Variants in ADGRV1 observed in about 807,000 individuals in gnomAD.
ADGRV1 encodes the protein G-protein coupled receptor 98.
ADGRV1 carries 359 observed loss-of-function variants against 596.2 expected under a neutral mutation model. The ratio of observed to expected loss-of-function variants is 0.60; its 90% CI spans 0.55 to 0.66. The LOEUF is 0.66. Ranked by LOEUF, ADGRV1 falls within the 30% of genes least tolerant of loss-of-function variation. The pLI is 0.00. For synonymous variants in ADGRV1, 2,681 were observed against 2,679.2 expected (o/e 1.00, Z -0.02); for missense variants, 7,274 against 7,575.6 (o/e 0.96, Z 1.48).
At chr5:90,722,715 TCAAAAAAA>T (rs1751230594) in intron 45 of ADGRV1, among the ~76,000 whole-genome samples, 1 of 17,168 alleles carries the variant, frequency 5.8e-5, no homozygotes, top group African/African-American at 2.8e-4. Flanking sequence ...AAACTCCGTC[TCAAAAAAA>T]AAAAAAAAAA....
intron 82 of ADGRV1, 142 bp from the exon 83 acceptor site, chr5:90,863,615 G>T: frequency 1.5e-6 from 1 of 668,058 alleles, no homozygotes; most frequent in Non-Finnish European, 2.8e-6. Context: ...GATTACAATT[G>T]CCATGTCATC....
chr5:90,737,805 T>C (rs775472324), intron 50 of ADGRV1, among the ~76,000 whole-genome samples: 20 of 152,028 alleles, frequency 1.3e-4, no homozygotes, highest in Admixed American at 2.6e-4. Context: ...TCATTTTCAC[T>C]TTATATGTGT....
chr5:90,604,923 CA>C (rs1761886267), intron 1 of ADGRV1, among the ~76,000 whole-genome samples: 1 of 152,122 alleles, frequency 6.6e-6, no homozygotes, highest in Non-Finnish European at 1.5e-5. Flanking sequence ...AATTGAAACC[CA>C]TAATCTTCTA....
chr5:91,058,142 A>G (rs989701477), intron 85 of ADGRV1, among the ~76,000 whole-genome samples: 4 of 152,178 alleles, frequency 2.6e-5, no homozygotes, highest in African/African-American at 9.7e-5. Context: ...TCATTATAGC[A>G]CTGACCAGGA....
chr5:90,926,004 C>G (rs1561950219), intron 83 of ADGRV1, among the ~76,000 whole-genome samples: 1 of 130,510 alleles, frequency 7.7e-6, no homozygotes, highest in Non-Finnish European at 1.6e-5. Flanking sequence ...GGTGGATAAG[C>G]TTTTTGATGT....
At chr5:90,688,908 G>A (rs768835980) in intron 29 of ADGRV1, among the ~76,000 whole-genome samples, 4 of 152,116 alleles carry the variant, frequency 2.6e-5, no homozygotes, top group Non-Finnish European at 5.9e-5. Context: ...ATTTATTTGT[G>A]AAGAGCAAGG....
In ADGRV1 at chr5:90,622,638, G is replaced by C; in HGVS notation, c.495G>C (p.Glu165Asp). The change falls in exon 5 of 90, where the codon GAG becomes GAC. Residue 165 changes from glutamate to aspartate, a missense_variant. By Grantham distance (45) the Glu-to-Asp change is conservative. This residue lies in a region of ADGRV1 where 1,715 missense variants were observed against 1,708.8 expected (regional missense o/e 1.00). Coordinates refer to ENST00000405460, the MANE Select transcript of ADGRV1 (RefSeq NM_032119.4). Reference protein sequence around the residue: ...IAVSEPKGRNESMPLTLIREK... With the variant: ...IAVSEPKGRNDSMPLTLIREK... ...TGAGTGAGCCCAAGGGCAGAAATGA[G>C]TCTATGCCTCTTACTCTCATCAGGG... The C allele has an allele frequency of 6.5e-7, 1 of 1,531,874 alleles. No individual in the cohort carries two copies. 94.9% of individuals were successfully genotyped at this position (1,531,874 alleles called of 1,614,324 possible).
chr5:91,150,201 C>T lies in ADGRV1; in HGVS notation c.18604C>T (p.Leu6202Phe). 1 of 1,585,844 alleles carries T rather than the reference C, an allele frequency of 6.3e-7. No homozygotes were observed. Among genetic ancestry groups the T allele is most frequent in the East Asian group, 2.2e-5 (1 of 44,454 alleles). The change falls in exon 88 of 90, where the codon CTC becomes TTC. Residue 6202 changes from leucine to phenylalanine, a missense_variant. Leu to Phe is a conservative substitution (Grantham distance 22). Around this residue, in one of 5 missense-constraint regions of ADGRV1, gnomAD observed 1,874 missense variants for 1,970.2 expected, o/e 0.95. Transcript: ENST00000405460. ...GGAAATCAGCAAGTCCACCCAGAAT[C>T]TCATCGGTGCTATGGAGGAGGTGTC... Reference protein sequence around the residue: ...GGEISKSTQNLIGAMEEVPPD... With the variant: ...GGEISKSTQNFIGAMEEVPPD...
chr5:90,694,313 C>T lies in ADGRV1; in HGVS notation c.7557C>T (p.Phe2519=), dbSNP rs771150522. The T allele has an allele frequency of 1.4e-5, 23 of 1,613,818 alleles. No individual in the cohort carries two copies. Among genetic ancestry groups the T allele is most frequent in the South Asian group, 8.8e-5 (8 of 91,078 alleles). ...CCATAATGCAGGAAGGTGATGAATTCGCAAATCTCACAGTGTCTATTCTTC... is the reference window on the plus strand; with the variant it reads ...CCATAATGCAGGAAGGTGATGAATTTGCAAATCTCACAGTGTCTATTCTTC... ...QWAIMQEGDE[F]ANLTVSILPD... Residue 2519 remains phenylalanine, a synonymous_variant, in exon 33 of 90, where the codon TTC becomes TTT. Coordinates refer to ENST00000405460, the MANE Select transcript of ADGRV1 (RefSeq NM_032119.4).
Position 90,653,612 on chromosome 5 carries a change from C to A in ADGRV1, c.4038C>A (p.Pro1346=). Residue 1346 remains proline (P), a synonymous_variant, in exon 20 of 90, where the codon CCC becomes CCA. Transcript: ENST00000405460. ...GGACTGTTAATCCAAAATACCATCCCTCCAGGAATAATACAATTGCCAACT... is the reference window on the plus strand; with the variant it reads ...GGACTGTTAATCCAAAATACCATCCATCCAGGAATAATACAATTGCCAACT... ...AFGTVNPKYH[P]SRNNTIANFT... is the part of the protein sequence containing the mutation. The A allele has an allele frequency of 6.2e-7, 1 of 1,613,698 alleles. No individual in the cohort carries two copies. Among genetic ancestry groups the A allele is most frequent in the Non-Finnish European group, 8.5e-7 (1 of 1,179,784 alleles).
At chr5:90,916,429 A>G (rs1773357777) in intron 83 of ADGRV1, among the ~76,000 whole-genome samples, 1 of 152,132 alleles carries the variant, frequency 6.6e-6, no homozygotes, top group South Asian at 2.1e-4. Context: ...TTCTAGATCA[A>G]TTGATTAGGC....
chr5:91,150,991 A>G (rs1411132012), intron 88 of ADGRV1, among the ~76,000 whole-genome samples: 2 of 152,222 alleles, frequency 1.3e-5, no homozygotes, highest in East Asian at 3.8e-4. Flanking sequence ...GCAGTGTCCA[A>G]GATGTGCTTG....
rs755614724 is a variant in ADGRV1, at chr5:90,919,720, C to T, written c.17857-45695C>T. Among the ~76,000 whole-genome samples the T allele has an allele frequency of 1.6e-4, 24 of 152,140 alleles. 1 individual carries two copies. The highest frequency in any genetic ancestry group is 3.4e-3 in the Middle Eastern group (1 of 292). On this transcript the variant is annotated intron_variant, in intron 83 of 89. Coordinates refer to ENST00000405460, the MANE Select transcript of ADGRV1 (RefSeq NM_032119.4). ...GAAAGGAAAAATATTTTGGGCTGGG[C>T]GTGGTGGCTCACACCTGTAATCCCA... is the stretch of plus-strand genomic sequence containing the variant.
At chr5:90,971,294 G>T (rs796888895) in intron 84 of ADGRV1, among the ~76,000 whole-genome samples, 7 of 152,306 alleles carry the variant, frequency 4.6e-5, no homozygotes, top group African/African-American at 1.7e-4. Context: ...TTATCCAGGA[G>T]GACTTCCCCA....
chr5:90,592,697 A>G (rs1231113728), intron 1 of ADGRV1, among the ~76,000 whole-genome samples: 2 of 152,242 alleles, frequency 1.3e-5, no homozygotes, highest in African/African-American at 4.8e-5. Flanking sequence ...CAATCTACCC[A>G]TCTGACAAAG....
At chr5:90,768,781 G>T (rs1341981824) in intron 59 of ADGRV1, among the ~76,000 whole-genome samples, 1 of 152,160 alleles carries the variant, frequency 6.6e-6, no homozygotes, top group Non-Finnish European at 1.5e-5. Context: ...GAGTCAGGGG[G>T]ATATTGCACT....
intron 87 of ADGRV1, among the ~76,000 whole-genome samples, chr5:91,138,583 T>G (rs2126831791): frequency 6.6e-6 from 1 of 152,240 alleles, no homozygotes; most frequent in East Asian, 1.9e-4. Flanking sequence ...GAAAAGAGTA[T>G]TCGAAAATAA....
At chr5:90,918,829 T>C (rs561955991) in intron 83 of ADGRV1, among the ~76,000 whole-genome samples, 1 of 152,208 alleles carries the variant, frequency 6.6e-6, no homozygotes, top group Non-Finnish European at 1.5e-5. Flanking sequence ...TACCTCTTAG[T>C]GGAAGAAATT....
At chr5:90,660,382 A>G (rs186161002) in intron 21 of ADGRV1, among the ~76,000 whole-genome samples, 46 of 152,352 alleles carry the variant, frequency 3.0e-4, no homozygotes, top group African/African-American at 1.0e-3. Flanking sequence ...AAACTAAAAC[A>G]TTTGAGAACT....
Sources: gnomAD v4.1 joint callset for allele counts (sites outside exome capture counted in the v4.1 genomes callset) on GRCh38, gnomAD v4.1.1 for gene constraint, gnomAD v4.1.1 regional missense constraint, MANE v1.5 for transcripts, NCBI Gene and HGNC (gene_info 2026-07-23, HGNC 2026-07-21) for gene names.